The following PCP4 variants were observed in gnomAD, a reference collection of about 807,000 sequenced individuals.
PCP4 encodes the protein calmodulin regulator protein PCP4.
Under a neutral mutation model 10.0 loss-of-function variants are expected in PCP4, and 8 were observed. The observed-to-expected ratio is 0.80, with a 90% CI of 0.47 to 1.45. The LOEUF is 1.45. Ranked by LOEUF, PCP4 falls within the 40% of genes most tolerant of loss-of-function variation. PCP4 has a pLI of 0.00. For missense variants in PCP4, 54 were observed against 74.4 expected (o/e 0.73, Z 1.01); for synonymous variants, 21 against 23.0 (o/e 0.91, Z 0.24).
intron 1 of PCP4, among the ~76,000 whole-genome samples, chr21:39,889,361 C>T (rs1601175778): frequency 6.6e-6 from 1 of 151,834 alleles, no homozygotes; most frequent in South Asian, 2.1e-4. Context: ...AGTGGTGAGC[C>T]CCCCGCCCAG....
chr21:39,899,573 T>C lies in PCP4; in HGVS notation c.61+1046T>C, dbSNP rs569670162. Among the ~76,000 whole-genome samples, 7 of 152,244 alleles carry C rather than the reference T, an allele frequency of 4.6e-5. No homozygotes were observed. In the South Asian group the frequency reaches 8.3e-4, roughly 18 times the overall value. ...TGCCCACCCATTTAGGGCAGTCCTA[T>C]TGGGCAGGGTGAGTGCAGTGTTCCC... On this transcript the variant is annotated intron_variant, in intron 2 of 2. Coordinates refer to ENST00000328619, the MANE Select transcript of PCP4 (RefSeq NM_006198.3).
chr21:39,885,866 A>C (rs1038344886), intron 1 of PCP4, among the ~76,000 whole-genome samples: 1 of 152,374 alleles, frequency 6.6e-6, no homozygotes, highest in East Asian at 1.9e-4. Context: ...CAGCTTAAAC[A>C]ACAGAAATGT....
At chr21:39,927,568 GC>G (rs3216362) in intron 2 of PCP4, among the ~76,000 whole-genome samples, 92,248 of 150,364 alleles carry the variant, frequency 0.61, 29,269 homozygotes, top group South Asian at 0.75. Context: ...CAGGAATAGA[GC>G]CCCACTCCCT....
chr21:39,882,306 G>C (rs900138964), intron 1 of PCP4, among the ~76,000 whole-genome samples: 1 of 152,332 alleles, frequency 6.6e-6, no homozygotes, highest in South Asian at 2.1e-4. Context: ...ATGTGGCCAT[G>C]GTGAGAGATC....
chr21:39,868,233 T>C (rs1489386760), intron 1 of PCP4, among the ~76,000 whole-genome samples: 1 of 152,226 alleles, frequency 6.6e-6, no homozygotes, highest in Non-Finnish European at 1.5e-5. Flanking sequence ...TTAGCGGTGG[T>C]ACAACACCAT....
Position 39,867,520 on chromosome 21 carries a change from G to T in PCP4, c.9+10G>T, listed in dbSNP as rs769869607. 7 of 1,613,974 alleles carry T rather than the reference G, an allele frequency of 4.3e-6. No homozygotes were observed. The highest frequency in any genetic ancestry group is 5.9e-6 in the Non-Finnish European group (7 of 1,179,816). On this transcript the variant is annotated intron_variant, in intron 1 of 2. Transcript: ENST00000328619. ...AGCCAACATGAGTGAGGTGAGTGAT[G>T]CTTCGACCTGGAGAGGGAAACTTAG...
At chr21:39,883,709 T>C (rs902948696) in intron 1 of PCP4, 2 of 152,226 alleles carry the variant, frequency 1.3e-5, no homozygotes, top group African/African-American at 4.8e-5. Flanking sequence ...GCCAAGGCTT[T>C]GAGGAGCAGA....
intron 2 of PCP4, among the ~76,000 whole-genome samples, chr21:39,928,553 G>T (rs1304024800): frequency 1.3e-5 from 2 of 152,186 alleles, no homozygotes; most frequent in African/African-American, 4.8e-5. Context: ...ATGACACACA[G>T]AATTATACAC....
At chr21:39,923,876 A>T (rs2087608695) in intron 2 of PCP4, among the ~76,000 whole-genome samples, 1 of 152,192 alleles carries the variant, frequency 6.6e-6, no homozygotes, top group African/African-American at 2.4e-5. Context: ...CCTCGTAGCT[A>T]AGGAGAATGT....
intron 1 of PCP4, among the ~76,000 whole-genome samples, chr21:39,870,379 A>G (rs2087313955): frequency 2.0e-5 from 3 of 152,206 alleles, no homozygotes; most frequent in Admixed American, 6.5e-5. Flanking sequence ...GGAGCAATCT[A>G]TGAGATGAAT....
At chr21:39,871,127 G>A (rs925408130) in intron 1 of PCP4, among the ~76,000 whole-genome samples, 1 of 152,156 alleles carries the variant, frequency 6.6e-6, no homozygotes, top group African/African-American at 2.4e-5. Flanking sequence ...ATTGCAAACG[G>A]GAGGCTACAT....
At chr21:39,876,319 T>C (rs1290050451) in intron 1 of PCP4, among the ~76,000 whole-genome samples, 1 of 152,138 alleles carries the variant, frequency 6.6e-6, no homozygotes, top group Non-Finnish European at 1.5e-5. Flanking sequence ...TTCTTACCTC[T>C]ATCAGTTTGA....
intron 1 of PCP4, among the ~76,000 whole-genome samples, chr21:39,875,431 G>A (rs748591795): frequency 1.3e-5 from 2 of 152,178 alleles, no homozygotes; most frequent in Non-Finnish European, 2.9e-5. Context: ...CAAGACGGGC[G>A]ATGGTGTGGA....
At position 39,880,194 on chromosome 21, in the gene PCP4, A is replaced by C. The variant is rs577218255; in HGVS notation, c.9+12684A>C. ...TCTATATCTATATCTATATCTATCT[A>C]TATCTATTCCCTGTCCAAGTGGAAG... is the stretch of plus-strand genomic sequence containing the variant. On this transcript the variant is annotated intron_variant, in intron 1 of 2. Transcript: ENST00000328619. Among the ~76,000 whole-genome samples, 487 of 130,430 alleles carry C rather than the reference A, an allele frequency of 3.7e-3. 4 individuals are homozygous for C. The highest frequency in any genetic ancestry group is 0.015 in the African/African-American group (454 of 30,022). 85.6% of individuals were successfully genotyped at this position (130,430 alleles called of 152,430 possible).
intron 2 of PCP4, among the ~76,000 whole-genome samples, chr21:39,903,379 G>T (rs1308214468): frequency 6.6e-6 from 1 of 151,444 alleles, no homozygotes; most frequent in Non-Finnish European, 1.5e-5. Context: ...CATCCAGGCT[G>T]TAGGTAAATG....
At chr21:39,874,907 A>C (rs531055877) in intron 1 of PCP4, among the ~76,000 whole-genome samples, 6 of 152,322 alleles carry the variant, frequency 3.9e-5, no homozygotes, top group African/African-American at 1.4e-4. Flanking sequence ...GGCTACGGGC[A>C]GGTAGTGTAG....
At chr21:39,909,340 G>A (rs1041952263) in intron 2 of PCP4, among the ~76,000 whole-genome samples, 5 of 152,138 alleles carry the variant, frequency 3.3e-5, no homozygotes, top group African/African-American at 1.2e-4. Flanking sequence ...GTTCCGTGTC[G>A]CTGCTCTGTT....
chr21:39,905,080 C>A (rs1419757973), intron 2 of PCP4, among the ~76,000 whole-genome samples: 1 of 152,090 alleles, frequency 6.6e-6, no homozygotes, highest in Non-Finnish European at 1.5e-5. Context: ...GCAATGAAAC[C>A]CTGAGCTGCC....
chr21:39,891,907 G>A (rs2087433923), intron 1 of PCP4, among the ~76,000 whole-genome samples: 1 of 152,222 alleles, frequency 6.6e-6, no homozygotes, highest in African/African-American at 2.4e-5. Flanking sequence ...AGGAGTACGG[G>A]AGGAGCATGA....
Sources: allele counts gnomAD v4.1 joint callset (sites outside exome capture counted in the v4.1 genomes callset), GRCh38; gene constraint gnomAD v4.1.1; transcripts MANE v1.5; gene names NCBI Gene and HGNC (gene_info 2026-07-23, HGNC 2026-07-21).